RFPL1: variants seen among roughly 807,000 people sequenced by gnomAD.
RFPL1 encodes ret finger protein like 1.
In RFPL1, 6 loss-of-function variants were observed where a neutral mutation model predicts 9.6. The observed-to-expected ratio is 0.62, with a 90% CI of 0.34 to 1.23. The LOEUF is 1.23. Among genes scored for constraint, RFPL1 ranks in the 50% most tolerant of loss-of-function variants. The pLI, the probability that RFPL1 is intolerant of heterozygous loss-of-function variation, is 0.03. For missense variants in RFPL1, 352 were observed against 398.4 expected, an observed-to-expected ratio of 0.88 and a Z score of 0.99; for synonymous variants, 145 against 149.4, an observed-to-expected ratio of 0.97 and a Z score of 0.22.
At chr22:29,412,588 C>T in the RFPL1 span, among the ~76,000 whole-genome samples, 1 of 152,140 alleles carries the variant, frequency 6.6e-6, no homozygotes, top group African/African-American at 2.4e-5. Flanking sequence ...GAACCCTGGC[C>T]ATGGGTGTTT....
chr22:29,423,560 A>G, the RFPL1 span, among the ~76,000 whole-genome samples: 1 of 152,142 alleles, frequency 6.6e-6, no homozygotes, highest in Non-Finnish European at 1.5e-5. Flanking sequence ...CTTTCCCACA[A>G]AAATATCTGC....
the RFPL1 span, among the ~76,000 whole-genome samples, chr22:29,411,380 AT>A: frequency 1.3e-5 from 2 of 152,332 alleles, no homozygotes; most frequent in South Asian, 4.1e-4. Flanking sequence ...AAGCGTTCAA[AT>A]TTATTTTCAA....
chr22:29,402,029 C>A, the RFPL1 span, among the ~76,000 whole-genome samples: 3 of 152,124 alleles, frequency 2.0e-5, no homozygotes, highest in African/African-American at 7.2e-5. Context: ...AAATCCACAT[C>A]AAAAAACTGT....
At chr22:29,401,858 T>A in the RFPL1 span, among the ~76,000 whole-genome samples, 2 of 152,236 alleles carry the variant, frequency 1.3e-5, no homozygotes, top group Non-Finnish European at 2.9e-5. Flanking sequence ...GATCTGCGTT[T>A]TCATTCCAGG....
the RFPL1 span, among the ~76,000 whole-genome samples, chr22:29,400,957 C>A: frequency 6.6e-6 from 1 of 152,202 alleles, no homozygotes; most frequent in African/African-American, 2.4e-5. Context: ...CCGATGAGAC[C>A]CACCAGATCA....
the RFPL1 span, among the ~76,000 whole-genome samples, chr22:29,397,868 C>G: frequency 6.6e-6 from 1 of 152,186 alleles, no homozygotes; most frequent in African/African-American, 2.4e-5. Flanking sequence ...CAGCCCGGGC[C>G]TTGGCTAGTT....
the RFPL1 span, among the ~76,000 whole-genome samples, chr22:29,420,117 G>A: frequency 6.6e-6 from 1 of 152,250 alleles, no homozygotes; most frequent in Non-Finnish European, 1.5e-5. Flanking sequence ...AAGACAGCTT[G>A]CTCAGGATTT....
exon 1 of RFPL1, chr22:29,438,591 A>G: frequency 7.0e-7 from 1 of 1,421,632 alleles, no homozygotes; most frequent in Non-Finnish European, 9.2e-7. Flanking sequence ...CTGCCGTGTC[A>G]CTGGCTCAGG....
exon 1 of RFPL1, chr22:29,439,013 G>A (rs1371489867): frequency 5.6e-6 from 9 of 1,613,998 alleles, no homozygotes; most frequent in South Asian, 1.1e-5. Flanking sequence ...CCCATGGGGA[G>A]GATCTACTTT....
At chr22:29,428,452 G>T in the RFPL1 span, among the ~76,000 whole-genome samples, 2 of 152,108 alleles carry the variant, frequency 1.3e-5, no homozygotes, top group African/African-American at 4.8e-5. Flanking sequence ...AGATCATCTA[G>T]GTAAAATAAA....
upstream of RFPL1, chr22:29,437,820 T>C: frequency 7.7e-7 from 1 of 1,297,340 alleles, no homozygotes; most frequent in South Asian, 1.4e-5. Flanking sequence ...AAATTCGTAA[T>C]TAATGAATTC....
chr22:29,436,906 T>G (rs1602916001), upstream of RFPL1: 2 of 152,308 alleles, frequency 1.3e-5, no homozygotes, highest in South Asian at 4.1e-4. Flanking sequence ...TAAGATTATA[T>G]TCAAATTATT....
chr22:29,407,147 G>A, the RFPL1 span, among the ~76,000 whole-genome samples: 2 of 151,516 alleles, frequency 1.3e-5, no homozygotes, highest in African/African-American at 2.4e-5. Context: ...ACCCAGGAGT[G>A]CATTGGTGCA....
chr22:29,410,284 CTA>C, the RFPL1 span, among the ~76,000 whole-genome samples: 3,146 of 93,534 alleles, frequency 0.034, 207 homozygotes, highest in East Asian at 0.15. Flanking sequence ...ATATATAGAT[CTA>C]TATATATGTA....
exon 2 of RFPL1, chr22:29,442,124 C>T: frequency 1.3e-6 from 2 of 1,518,624 alleles, no homozygotes; most frequent in African/African-American, 1.4e-5. Context: ...GCCAAATAAG[C>T]CCCCACTGCA....
At chr22:29,415,657 C>T in the RFPL1 span, among the ~76,000 whole-genome samples, 2 of 152,254 alleles carry the variant, frequency 1.3e-5, no homozygotes, top group Non-Finnish European at 2.9e-5. Flanking sequence ...AAGGAAGAGG[C>T]TTTATTCGGC....
At chr22:29,408,891 T>C in the RFPL1 span, among the ~76,000 whole-genome samples, 1,687 of 152,322 alleles carry the variant, frequency 0.011, 24 homozygotes, top group African/African-American at 0.039. Context: ...ACAAGCATCC[T>C]CTATGCTTTA....
the RFPL1 span, among the ~76,000 whole-genome samples, chr22:29,408,235 C>T: frequency 1.3e-5 from 2 of 152,200 alleles, no homozygotes; most frequent in Admixed American, 1.3e-4. Flanking sequence ...GATGCTGTCG[C>T]TGAACCATAC....
chr22:29,436,036 A>T (rs1459869251), upstream of RFPL1, among the ~76,000 whole-genome samples: 1 of 152,014 alleles, frequency 6.6e-6, no homozygotes, highest in African/African-American at 2.4e-5. Context: ...GTGGGTATAG[A>T]GGCTGGGAGG....
Sources: gnomAD v4.1 joint callset for allele counts (sites outside exome capture counted in the v4.1 genomes callset) on GRCh38, gnomAD v4.1.1 for gene constraint, MANE v1.5 for transcripts, NCBI Gene and HGNC (gene_info 2026-07-23, HGNC 2026-07-21) for gene names.